NGFR: variants seen among roughly 807,000 people sequenced by gnomAD.
NGFR encodes nerve growth factor receptor.
A neutral mutation model predicts 43.2 loss-of-function variants in NGFR; 30 were observed. The ratio of observed to expected loss-of-function variants is 0.69; its 90% CI spans 0.52 to 0.94. NGFR has a LOEUF of 0.94. Ranked by LOEUF, NGFR falls within the 40% of genes least tolerant of loss-of-function variation. The pLI is 0.00. For synonymous variants in NGFR, 246 were observed against 259.6 expected, an observed-to-expected ratio of 0.95 and a Z score of 0.50; for missense variants, 529 against 602.5, an observed-to-expected ratio of 0.88 and a Z score of 1.28.
At chr17:49,503,846 G>A (rs917975467) in intron 2 of NGFR, among the ~76,000 whole-genome samples, 1 of 152,116 alleles carries the variant, frequency 6.6e-6, no homozygotes, top group African/African-American at 2.4e-5. Context: ...TCCAGCCCAG[G>A]ACTCTCCTCC....
In NGFR at chr17:49,510,325, G is replaced by A; in HGVS notation, c.569-87G>A. On this transcript the variant is annotated intron_variant, in intron 3 of 5. Transcript: ENST00000172229. ...ACAAGAGCACCTGGAGCCAGGGCGG[G>A]GACACAGGAAGAACACGGCAGTGGG... is the stretch of plus-strand genomic sequence containing the variant. 3 of 1,559,212 alleles carry A rather than the reference G, an allele frequency of 1.9e-6. No individual in the cohort carries two copies. The South Asian group carries it at 3.6e-5, about 18-fold the overall frequency.
intron 1 of NGFR, chr17:49,497,233 A>T (rs955182663): frequency 5.3e-5 from 8 of 152,214 alleles, no homozygotes; most frequent in Non-Finnish European, 1.0e-4. Context: ...GTGGGCAGAG[A>T]TTCTGTCCGG....
At chr17:49,505,915 C>T in intron 2 of NGFR, 1 of 201,678 alleles carries the variant, frequency 5.0e-6, no homozygotes, top group Non-Finnish European at 9.9e-6. Flanking sequence ...CCAGCTCTGG[C>T]CCGCGGGGAG....
At chr17:49,501,999 A>ATGGGGGGCCC in intron 1 of NGFR, 64 bp from the exon 2 acceptor site, 3 of 330,984 alleles carry the variant, frequency 9.1e-6, no homozygotes, top group Non-Finnish European at 1.8e-5. Flanking sequence ...TCCCCGGAAG[A>ATGGGGGGCCC]ACCCCCCCCA....
At chr17:49,510,738 T>G (rs1227091157) in intron 4 of NGFR, 74 bp downstream of exon 4, 3 of 1,563,644 alleles carry the variant, frequency 1.9e-6, no homozygotes, top group Non-Finnish European at 2.6e-6. Flanking sequence ...GACCTTGACC[T>G]GAAAACATAC....
At chr17:49,506,700 G>GGGGGGGGGGGC in intron 3 of NGFR, 42 bp downstream of exon 3, 3 of 485,202 alleles carry the variant, frequency 6.2e-6, no homozygotes, top group Non-Finnish European at 9.6e-6. Flanking sequence ...GGGTGCGGGG[G>GGGGGGGGGGGC]TGGGCTGGGG....
Position 49,513,053 on chromosome 17 carries a change from G to C in NGFR, c.*44G>C. ...CGCCCCGCCCCACATTCCGACAACC[G>C]ATGCTCCAGCCAACCCCTGTGGAGC... is the stretch of plus-strand genomic sequence containing the variant. On this transcript the variant is annotated 3_prime_UTR_variant, in exon 6 of 6. Transcript: ENST00000172229. 1 of 1,463,722 alleles carries C rather than the reference G, an allele frequency of 6.8e-7. No homozygotes were observed. Among genetic ancestry groups the C allele is most frequent in the South Asian group, 1.4e-5 (1 of 72,684 alleles). The allele number at this position is 1,463,722 out of a possible 1,614,324, so 90.7% of individuals were successfully genotyped here.
At chr17:49,506,699 G>GCCC in intron 3 of NGFR, 41 bp downstream of exon 3, 1 of 402,094 alleles carries the variant, frequency 2.5e-6, no homozygotes, top group Non-Finnish European at 4.3e-6. Context: ...GGGGTGCGGG[G>GCCC]GTGGGCTGGG....
intron 1 of NGFR, 62 bp from the exon 2 acceptor site, chr17:49,502,001 C>CGGG: frequency 4.5e-6 from 1 of 221,816 alleles, no homozygotes. Context: ...CCCGGAAGAA[C>CGGG]CCCCCCCAAC....
At position 49,513,345 on chromosome 17, in the gene NGFR, T is replaced by G; in HGVS notation, c.*336T>G. The stretch of plus-strand genomic sequence containing the variant: ...CTCCCACCACAGCAGGTGTCATATA[T>G]GGGGGGCCAACACCAGGGATGGTAC... On this transcript the variant is annotated 3_prime_UTR_variant, in exon 6 of 6. Coordinates refer to ENST00000172229, the MANE Select transcript of NGFR (RefSeq NM_002507.4). The G allele has an allele frequency of 1.3e-5, 4 of 319,858 alleles. No individual in the cohort carries two copies. The highest frequency in any genetic ancestry group is 4.6e-5 in the Admixed American group (1 of 21,960). 19.8% of individuals were successfully genotyped at this position (319,858 alleles called of 1,614,324 possible).
At chr17:49,502,723 G>C (rs899811426) in intron 2 of NGFR, among the ~76,000 whole-genome samples, 1 of 152,020 alleles carries the variant, frequency 6.6e-6, no homozygotes, top group Non-Finnish European at 1.5e-5. Context: ...GAGGCAGCAG[G>C]GATGGGGGTC....
chr17:49,506,883 C>T (rs939308165), intron 3 of NGFR, among the ~76,000 whole-genome samples: 1 of 152,182 alleles, frequency 6.6e-6, no homozygotes, highest in Non-Finnish European at 1.5e-5. Flanking sequence ...CTCTGTGTTA[C>T]CTTCTTTGGG....
chr17:49,512,063 G>A lies in NGFR; in HGVS notation c.982+11G>A, dbSNP rs372325709. ...CAGCCTCGGGCCAGGGTGAGCAGCG[G>A]CCCGCTGGGGAGCTGAGGCGGAGCT... On this transcript the variant is annotated intron_variant, in intron 5 of 5. Transcript: ENST00000172229. This position sits in a 1 kb window ranked among gnomAD's most constrained non-coding sequence, Gnocchi z 5.2. The A allele has an allele frequency of 1.2e-6, 2 of 1,610,230 alleles. No individual in the cohort carries two copies. Among genetic ancestry groups the A allele is most frequent in the Admixed American group, 3.3e-5 (2 of 59,756 alleles).
chr17:49,506,412 C>T lies in NGFR; in HGVS notation c.322C>T (p.Arg108Cys). The stretch of plus-strand genomic sequence containing the variant: ...CGTGGAGGCCGACGACGCCGTGTGC[C>T]GCTGCGCCTACGGCTACTACCAGGA... ...PCVEADDAVC[R>C]CAYGYYQDET... Residue 108 changes from arginine to cysteine, a missense_variant, in exon 3 of 6, where the codon CGC becomes TGC. Physicochemically the swap from Arg to Cys is radical, Grantham distance 180. Coordinates refer to ENST00000172229, the MANE Select transcript of NGFR (RefSeq NM_002507.4). 1.6e-5 allele frequency: 26 copies of T among 1,604,940 alleles called. No individual in the cohort carries two copies. Among genetic ancestry groups the T allele is most frequent in the Non-Finnish European group, 2.2e-5 (26 of 1,178,236 alleles).
intron 3 of NGFR, among the ~76,000 whole-genome samples, chr17:49,507,819 C>A (rs1297224502): frequency 6.6e-6 from 1 of 152,216 alleles, no homozygotes; most frequent in Non-Finnish European, 1.5e-5. Flanking sequence ...TTCGCCCAGT[C>A]TAATGAGAGA....
intron 3 of NGFR, 43 bp downstream of exon 3, chr17:49,506,701 T>TGGGGGGGGGGGGGG: frequency 1.3e-5 from 2 of 148,986 alleles, no homozygotes; most frequent in Non-Finnish European, 2.1e-5. Flanking sequence ...GGTGCGGGGG[T>TGGGGGGGGGGGGGG]GGGCTGGGGG....
At chr17:49,498,445 C>T (rs902211383) in intron 1 of NGFR, among the ~76,000 whole-genome samples, 1 of 152,160 alleles carries the variant, frequency 6.6e-6, no homozygotes, top group Non-Finnish European at 1.5e-5. Context: ...CCTCAAAAGG[C>T]CCTCCAGGTG....
chr17:49,501,999 A>AGGGCGCC, intron 1 of NGFR, 64 bp from the exon 2 acceptor site: 1 of 330,984 alleles, frequency 3.0e-6, no homozygotes, highest in Non-Finnish European at 5.9e-6. Context: ...TCCCCGGAAG[A>AGGGCGCC]ACCCCCCCCA....
chr17:49,513,229 GTGCCCCTGCTGCCTCCCCAACCC>G lies in NGFR; in HGVS notation c.*230_*252del, dbSNP rs2071246906. The stretch of plus-strand genomic sequence containing the variant: ...CCACACTTCCTGTCCAGAGAGAGAA[GTGCCCCTGCTGCCTCCCCAACCC>G]TGCCCCTGCCCCGTCACCATCTCAG... On this transcript the variant is annotated 3_prime_UTR_variant, in exon 6 of 6. Coordinates refer to ENST00000172229, the MANE Select transcript of NGFR (RefSeq NM_002507.4). 1.8e-6 allele frequency: 1 copy of G among 545,372 alleles called. No homozygotes were observed. The highest frequency in any genetic ancestry group is 3.2e-6 in the Non-Finnish European group (1 of 317,114). The allele number at this position is 545,372 out of a possible 1,614,324, so 33.8% of individuals were successfully genotyped here.
Sources: allele counts gnomAD v4.1 joint callset (sites outside exome capture counted in the v4.1 genomes callset), GRCh38; gene constraint gnomAD v4.1.1; non-coding constraint Gnocchi (gnomAD v3.1); transcripts MANE v1.5; gene names NCBI Gene and HGNC (gene_info 2026-07-23, HGNC 2026-07-21).